The following KIAA2012 variants were observed in gnomAD, a reference collection of about 807,000 sequenced individuals.
KIAA2012 encodes KIAA2012.
Under a neutral mutation model 150.6 loss-of-function variants are expected in KIAA2012, and 125 were observed. The observed-to-expected ratio is 0.83, with a 90% CI of 0.72 to 0.96. The LOEUF (loss-of-function observed/expected upper bound fraction) is 0.96. Ranked by LOEUF, KIAA2012 falls within the 40% of genes least tolerant of loss-of-function variation. KIAA2012 has a pLI of 0.00. For missense variants in KIAA2012, 1,219 were observed against 1,354.9 expected (o/e 0.90, Z 1.57); for synonymous variants, 462 against 504.7 (o/e 0.92, Z 1.13).
intron 2 of KIAA2012, among the ~76,000 whole-genome samples, chr2:202,079,117 A>C (rs1362863150): frequency 6.6e-6 from 1 of 152,190 alleles, no homozygotes; most frequent in Admixed American, 6.5e-5. Flanking sequence ...CTTTTTACCA[A>C]ATATATTTTT....
chr2:202,145,566 T>G (rs2105947867), intron 13 of KIAA2012, among the ~76,000 whole-genome samples: 1 of 152,302 alleles, frequency 6.6e-6, no homozygotes, highest in East Asian at 1.9e-4. Flanking sequence ...ATTTTTTTCC[T>G]TTTTTCTTTG....
At chr2:202,141,606 A>T (rs919725881) in intron 13 of KIAA2012, among the ~76,000 whole-genome samples, 2 of 152,242 alleles carry the variant, frequency 1.3e-5, no homozygotes, top group African/African-American at 4.8e-5. Context: ...CTGAAGGTAC[A>T]GTGCCCTTTT....
intron 23 of KIAA2012, among the ~76,000 whole-genome samples, chr2:202,203,746 A>T (rs1692578017): frequency 6.6e-6 from 1 of 152,086 alleles, no homozygotes; most frequent in Non-Finnish European, 1.5e-5. Flanking sequence ...CCAGTTGAAA[A>T]AATTACATTG....
intron 11 of KIAA2012, among the ~76,000 whole-genome samples, chr2:202,120,760 TC>T (rs1260588042): frequency 6.6e-6 from 1 of 152,122 alleles, no homozygotes; most frequent in Non-Finnish European, 1.5e-5. Flanking sequence ...TGTGAGTAGA[TC>T]CCCCTCATCT....
intron 14 of KIAA2012, among the ~76,000 whole-genome samples, chr2:202,160,912 G>A (rs1378339870): frequency 3.9e-5 from 6 of 152,232 alleles, no homozygotes; most frequent in East Asian, 3.9e-4. Flanking sequence ...CAGGCTGGAG[G>A]CCGCACTTCA....
intron 10 of KIAA2012, 119 bp from the exon 11 acceptor site, chr2:202,113,217 A>C: frequency 2.9e-6 from 2 of 686,884 alleles, no homozygotes; most frequent in Non-Finnish European, 5.0e-6. Flanking sequence ...TGGGCACCCA[A>C]GCACATAGGC....
At chr2:202,103,163 G>A in intron 8 of KIAA2012, 49 bp downstream of exon 8, 4 of 1,525,372 alleles carry the variant, frequency 2.6e-6, no homozygotes, top group Non-Finnish European at 3.5e-6. Context: ...TGGGATGGGG[G>A]GTCCTGCCAC....
In KIAA2012 at chr2:202,090,947, A is replaced by G; in HGVS notation, c.529+18A>G. 1 of 1,530,446 alleles carries G rather than the reference A, an allele frequency of 6.5e-7. No individual in the cohort carries two copies. Among genetic ancestry groups the G allele is most frequent in the Non-Finnish European group, 8.8e-7 (1 of 1,132,568 alleles). 94.8% of individuals were successfully genotyped at this position (1,530,446 alleles called of 1,614,324 possible). On this transcript the variant is annotated intron_variant, in intron 3 of 23. Transcript: ENST00000498697. The stretch of plus-strand genomic sequence containing the variant: ...GTGCGCAGGTCAGTGGGGAAATGGG[A>G]GGGGGGCACACCCCAAACTGCCCCA...
In KIAA2012 at chr2:202,075,031, A is replaced by G. The variant is rs1689292995; in HGVS notation, c.225A>G (p.Ser75=). ...GAAAGGGTGCCCTGATCCTGTACTCAGAAGGTTTTGCCATTTCGGCATGGA... is the reference window on the plus strand; with the variant it reads ...GAAAGGGTGCCCTGATCCTGTACTCGGAAGGTTTTGCCATTTCGGCATGGA... The part of the protein sequence containing the change: ...STRKGALILY[S]EGFAISAWTP... Residue 75 remains serine (S), a synonymous_variant, in exon 2 of 24, where the codon TCA becomes TCG. Transcript: ENST00000498697. 1 of 1,550,628 alleles carries G rather than the reference A, an allele frequency of 6.4e-7. No homozygotes were observed. Among genetic ancestry groups the G allele is most frequent in the Non-Finnish European group, 8.7e-7 (1 of 1,147,006 alleles).
At chr2:202,124,448 G>A (rs888104290) in intron 11 of KIAA2012, among the ~76,000 whole-genome samples, 7 of 152,112 alleles carry the variant, frequency 4.6e-5, no homozygotes, top group South Asian at 2.1e-4. Flanking sequence ...AGAATCAGAT[G>A]GACTAGAATC....
At chr2:202,100,001 T>C (rs780884935) in intron 6 of KIAA2012, among the ~76,000 whole-genome samples, 1 of 152,220 alleles carries the variant, frequency 6.6e-6, no homozygotes, top group African/African-American at 2.4e-5. Flanking sequence ...GAAATCATAC[T>C]GTCTGGGCTC....
At chr2:202,173,544 G>A (rs564911646) in intron 15 of KIAA2012, among the ~76,000 whole-genome samples, 3 of 152,032 alleles carry the variant, frequency 2.0e-5, no homozygotes, top group South Asian at 2.1e-4. Context: ...ACTCCAGCCC[G>A]GGCAACAAGA....
chr2:202,104,177 T>C lies in KIAA2012; in HGVS notation c.1324+1063T>C, dbSNP rs547495594. On this transcript the variant is annotated intron_variant, in intron 8 of 23. Coordinates refer to ENST00000498697, the MANE Select transcript of KIAA2012 (RefSeq NM_001277372.4). The surrounding 1 kb of genome is among the most constrained non-coding windows in gnomAD (Gnocchi z 4.3). Reference sequence around the variant, plus strand: ...AAATGTTCTCACTCTGGGTTGCTTGTATGGATTATAGATTTGTCAAAACTC... The same window carrying C: ...AAATGTTCTCACTCTGGGTTGCTTGCATGGATTATAGATTTGTCAAAACTC... Among the ~76,000 whole-genome samples the C allele has an allele frequency of 6.6e-6, 1 of 152,286 alleles. No homozygotes were observed. The highest frequency in any genetic ancestry group is 2.1e-4 in the South Asian group (1 of 4,828).
intron 15 of KIAA2012, among the ~76,000 whole-genome samples, chr2:202,183,272 T>A (rs964806744): frequency 6.6e-6 from 1 of 151,714 alleles, no homozygotes; most frequent in Non-Finnish European, 1.5e-5. Context: ...ATAGAAAAAA[T>A]TAGCCGAGTA....
intron 13 of KIAA2012, among the ~76,000 whole-genome samples, chr2:202,149,274 TCTTC>T (rs932689359): frequency 2.6e-5 from 4 of 152,168 alleles, no homozygotes; most frequent in African/African-American, 9.7e-5. Flanking sequence ...AGGGACTGAC[TCTTC>T]CTTTTGTTTA....
At chr2:202,073,815 G>T in intron 1 of KIAA2012, 104 bp downstream of exon 1, 1 of 964,672 alleles carries the variant, frequency 1.0e-6, no homozygotes, top group Non-Finnish European at 1.6e-6. Context: ...TGTGTTGTTA[G>T]TGAGGTGGCG....
intron 14 of KIAA2012, among the ~76,000 whole-genome samples, chr2:202,160,367 T>G (rs13416187): frequency 0.42 from 61,597 of 146,716 alleles, 13,863 homozygotes; most frequent in African/African-American, 0.57. Context: ...AGGCTAGAGT[T>G]CAGTGGCGTG....
At chr2:202,133,130 A>ATATATATATATTTTTTTTTTTTTTTTT (rs1279080237) in intron 12 of KIAA2012, among the ~76,000 whole-genome samples, 8 of 67,754 alleles carry the variant, frequency 1.2e-4, no homozygotes, top group Middle Eastern at 8.5e-3. Flanking sequence ...ATATATATAT[A>ATATATATATATTTTTTTTTTTTTTTTT]TTTTTTTTTT....
chr2:202,166,016 G>T (rs1372162209), intron 15 of KIAA2012, among the ~76,000 whole-genome samples: 1 of 152,170 alleles, frequency 6.6e-6, no homozygotes, highest in East Asian at 1.9e-4. Flanking sequence ...CCAGTCTTCA[G>T]GTCTGCCATA....
Sources: gnomAD v4.1 joint callset for allele counts (sites outside exome capture counted in the v4.1 genomes callset) on GRCh38, gnomAD v4.1.1 for gene constraint, Gnocchi (gnomAD v3.1) non-coding constraint, MANE v1.5 for transcripts, NCBI Gene and HGNC (gene_info 2026-07-23, HGNC 2026-07-21) for gene names.